The following KCNJ16 variants were observed in gnomAD, a reference collection of about 807,000 sequenced individuals.
KCNJ16 encodes the protein inward rectifier potassium channel 16.
A neutral mutation model predicts 18.5 loss-of-function variants in KCNJ16; 15 were observed. That is an observed-to-expected ratio of 0.81 (90% CI 0.54 to 1.25). The LOEUF is 1.25. KCNJ16 is among the 50% of genes most tolerant of loss of function. KCNJ16 has a pLI of 0.00. For synonymous variants in KCNJ16, 174 were observed against 186.5 expected (o/e 0.93, Z 0.55); for missense variants, 523 against 525.7 (o/e 0.99, Z 0.05).
chr17:70,131,333 T>G lies in KCNJ16; in HGVS notation c.-94+358T>G, dbSNP rs986502558. On this transcript the variant is annotated intron_variant, in intron 3 of 3. Transcript: ENST00000392671. ...CCACTGAGGTTAAGAAAGATGCATT[T>G]TTTTTTCTTTTCTTTCAAGACTAAA... The G allele has an allele frequency of 4.4e-5, 47 of 1,076,594 alleles. No individual in the cohort carries two copies. In the East Asian group the frequency reaches 1.9e-3, roughly 43 times the overall value. 66.7% of individuals were successfully genotyped at this position (1,076,594 alleles called of 1,614,324 possible).
chr17:70,130,875 A>T lies in KCNJ16; in HGVS notation c.-190-4A>T. The T allele has an allele frequency of 8.5e-7, 1 of 1,179,626 alleles. No individual in the cohort carries two copies. 73.1% of individuals were successfully genotyped at this position (1,179,626 alleles called of 1,614,324 possible). ...ATACTTTTATTTTTGTTTGTTTTGC[A>T]CAGGAGTAACTCAAGATGATTTTGA... On this transcript the variant is annotated splice_region_variant and splice_polypyrimidine_tract_variant and intron_variant, in intron 2 of 3. Transcript: ENST00000392671.
At chr17:70,085,929 A>T (rs1287038747) in intron 1 of KCNJ16, among the ~76,000 whole-genome samples, 1 of 152,208 alleles carries the variant, frequency 6.6e-6, no homozygotes, top group Non-Finnish European at 1.5e-5. Flanking sequence ...AAATCTAACG[A>T]AAGTAATGTT....
At chr17:70,095,962 A>G (rs1373229846) in intron 1 of KCNJ16, among the ~76,000 whole-genome samples, 1 of 134,178 alleles carries the variant, frequency 7.5e-6, no homozygotes, top group African/African-American at 2.9e-5. Context: ...GGCTCACTGC[A>G]AGCTCCGCCT....
rs1432699236 is a variant in KCNJ16, at chr17:70,075,377, G to A, written c.-313G>A. 6.6e-6 allele frequency: 1 copy of A among 152,188 alleles called. No homozygotes were observed. The highest frequency in any genetic ancestry group is 1.5e-5 in the Non-Finnish European group (1 of 68,046). 9.4% of individuals were successfully genotyped at this position (152,188 alleles called of 1,614,324 possible). A position where few individuals can be genotyped will look rare whatever the true frequency, so the allele number is the denominator to read the frequency against. On this transcript the variant is annotated 5_prime_UTR_variant, in exon 1 of 4. Coordinates refer to ENST00000392671, the MANE Select transcript of KCNJ16 (RefSeq NM_170741.4). ...ACCTAGCTCATAGATTCTCTGTGGG[G>A]AGAGTGAATAAAGGTAAGTGCTATT... is the stretch of plus-strand genomic sequence containing the variant.
intron 1 of KCNJ16, among the ~76,000 whole-genome samples, chr17:70,093,217 A>T (rs191545477): frequency 1.5e-3 from 234 of 152,348 alleles, no homozygotes; most frequent in African/African-American, 5.5e-3. Context: ...AGCATTGCAA[A>T]CTGGGTGGCA....
At chr17:70,096,317 C>G (rs2072370107) in intron 1 of KCNJ16, among the ~76,000 whole-genome samples, 1 of 152,104 alleles carries the variant, frequency 6.6e-6, no homozygotes, top group Non-Finnish European at 1.5e-5. Flanking sequence ...GTGGATAGTT[C>G]AAATTGGCTC....
At chr17:70,077,039 G>A (rs1024067539) in intron 1 of KCNJ16, among the ~76,000 whole-genome samples, 1 of 152,262 alleles carries the variant, frequency 6.6e-6, no homozygotes, top group South Asian at 2.1e-4. Context: ...GAGGTGGCAA[G>A]GAAGTGAGCA....
intron 1 of KCNJ16, among the ~76,000 whole-genome samples, chr17:70,085,772 A>C (rs999197092): frequency 1.3e-5 from 2 of 152,184 alleles, no homozygotes; most frequent in African/African-American, 2.4e-5. Flanking sequence ...AGGAATAAAA[A>C]AAGCAAACCA....
intron 2 of KCNJ16, 147 bp downstream of exon 2, chr17:70,100,913 A>G (rs2072592229): frequency 6.6e-6 from 1 of 152,256 alleles, no homozygotes; most frequent in Admixed American, 6.5e-5. Context: ...ACTTTGCTAC[A>G]GAGCAAATTC....
rs1052083787 is a variant in KCNJ16 at position 70,105,403 on chromosome 17, C to T, written c.-191+4637C>T. Among the ~76,000 whole-genome samples, 16 of 152,134 alleles carry T rather than the reference C, an allele frequency of 1.1e-4. No individual in the cohort carries two copies. In the East Asian group the frequency reaches 1.2e-3, roughly 11 times the overall value. On this transcript the variant is annotated intron_variant, in intron 2 of 3. Transcript: ENST00000392671. ...GACATAACTTACTGACGTGGAGCAA[C>T]GTGGAAGAGGTGAATCTTTCATTTC... is the stretch of plus-strand genomic sequence containing the variant.
intron 1 of KCNJ16, among the ~76,000 whole-genome samples, chr17:70,088,866 T>C (rs557667182): frequency 6.6e-6 from 1 of 152,242 alleles, no homozygotes; most frequent in South Asian, 2.1e-4. Flanking sequence ...ATGGCTTGAA[T>C]GACTTAAAAT....
At chr17:70,090,265 G>T (rs191993483) in intron 1 of KCNJ16, among the ~76,000 whole-genome samples, 122 of 152,220 alleles carry the variant, frequency 8.0e-4, no homozygotes, top group African/African-American at 2.9e-3. Flanking sequence ...AATTCTACAG[G>T]CTTGAAAACT....
chr17:70,092,079 G>C (rs1177738367), intron 1 of KCNJ16, among the ~76,000 whole-genome samples: 1 of 152,144 alleles, frequency 6.6e-6, no homozygotes, highest in African/African-American at 2.4e-5. Flanking sequence ...CTACCTAAAA[G>C]CACATTGGAA....
chr17:70,080,807 C>T (rs724591), intron 1 of KCNJ16, among the ~76,000 whole-genome samples: 130,042 of 152,218 alleles, frequency 0.85, 55,663 homozygotes, highest in East Asian at 0.99. Context: ...GTCTCTACTT[C>T]GGGAAAATAA....
At chr17:70,123,643 G>A (rs1482346580) in intron 2 of KCNJ16, among the ~76,000 whole-genome samples, 1 of 151,804 alleles carries the variant, frequency 6.6e-6, no homozygotes, top group African/African-American at 2.4e-5. Flanking sequence ...ATTGACTATT[G>A]TCCCCATGAT....
intron 2 of KCNJ16, among the ~76,000 whole-genome samples, chr17:70,103,296 G>GTGTGTGTGTGTATATATA (rs1408960241): frequency 6.9e-5 from 5 of 72,054 alleles, no homozygotes; most frequent in Admixed American, 1.5e-4. Flanking sequence ...ATGTGTGTGT[G>GTGTGTGTGTGTATATATA]TATATATATA....
chr17:70,130,921 C>G lies in KCNJ16; in HGVS notation c.-148C>G. 6.6e-7 allele frequency: 1 copy of G among 1,525,838 alleles called. No homozygotes were observed. The highest frequency in any genetic ancestry group is 8.8e-7 in the Non-Finnish European group (1 of 1,137,772). 94.5% of individuals were successfully genotyped at this position (1,525,838 alleles called of 1,614,324 possible). A position where few individuals can be genotyped will look rare whatever the true frequency, so the allele number is the denominator to read the frequency against. On this transcript the variant is annotated 5_prime_UTR_variant, in exon 3 of 4. Transcript: ENST00000392671. ...TTTGATGTTGCAGTTTTAAATTTCA[C>G]TTTGACTTGAGCTGGGAAATCCTTT...
At chr17:70,126,872 T>G (rs2073873191) in intron 2 of KCNJ16, among the ~76,000 whole-genome samples, 1 of 152,170 alleles carries the variant, frequency 6.6e-6, no homozygotes, top group Admixed American at 6.5e-5. Context: ...TTCTACTTCT[T>G]TATAAAACAG....
At chr17:70,093,373 C>A (rs1296368902) in intron 1 of KCNJ16, among the ~76,000 whole-genome samples, 1 of 152,164 alleles carries the variant, frequency 6.6e-6, no homozygotes, top group Non-Finnish European at 1.5e-5. Flanking sequence ...CCCGGGCTTT[C>A]CTTCCTTGTA....
Sources: gnomAD v4.1 joint callset for allele counts (sites outside exome capture counted in the v4.1 genomes callset) on GRCh38, gnomAD v4.1.1 for gene constraint, MANE v1.5 for transcripts, NCBI Gene and HGNC (gene_info 2026-07-23, HGNC 2026-07-21) for gene names.